THSD4: variants seen among roughly 807,000 people sequenced by gnomAD.
The protein encoded by THSD4 is thrombospondin type 1 domain containing 4, also known as thrombospondin type-1 domain-containing protein 4.
Under a neutral mutation model 119.0 loss-of-function variants are expected in THSD4, and 69 were observed. The ratio of observed to expected loss-of-function variants is 0.58; its 90% CI spans 0.48 to 0.71. THSD4 has a LOEUF of 0.71. Among genes scored for constraint, THSD4 ranks in the 30% least tolerant of loss-of-function variants. THSD4 has a pLI of 0.00. For missense variants in THSD4, 1,393 were observed against 1,391.1 expected, an observed-to-expected ratio of 1.00 and a Z score of -0.02; for synonymous variants, 524 against 540.4, an observed-to-expected ratio of 0.97 and a Z score of 0.42.
intron 3 of THSD4, chr15:71,167,193 C>T (rs573081071): frequency 6.6e-6 from 1 of 152,242 alleles, no homozygotes; most frequent in Non-Finnish European, 1.5e-5. Context: ...TTTATTCCTG[C>T]AAGATGTGAA....
intron 7 of THSD4, among the ~76,000 whole-genome samples, chr15:71,470,768 T>G (rs1018479496): frequency 9.2e-5 from 14 of 151,916 alleles, no homozygotes; most frequent in African/African-American, 3.1e-4. Flanking sequence ...CCCGAGTAGC[T>G]GGGACTACAG....
intron 6 of THSD4, among the ~76,000 whole-genome samples, chr15:71,339,180 C>T (rs2045529213): frequency 6.6e-6 from 1 of 152,132 alleles, no homozygotes; most frequent in South Asian, 2.1e-4. Context: ...AGCATTTTAG[C>T]ATTCTTAGTA....
At chr15:71,722,655 C>T (rs118155642) in intron 8 of THSD4, among the ~76,000 whole-genome samples, 45 of 152,230 alleles carry the variant, frequency 3.0e-4, no homozygotes, top group Non-Finnish European at 4.7e-4. Context: ...ATGTCCGTTA[C>T]ATTGATTCAA....
At chr15:71,758,290 G>A (rs950530042) in intron 15 of THSD4, among the ~76,000 whole-genome samples, 1 of 152,246 alleles carries the variant, frequency 6.6e-6, no homozygotes, top group Non-Finnish European at 1.5e-5. Flanking sequence ...CTAAGTACTT[G>A]GGTTACATCA....
At position 71,765,214 on chromosome 15, in the gene THSD4, T is replaced by G; in HGVS notation, c.2769+15T>G. 6.2e-7 allele frequency: 1 copy of G among 1,611,108 alleles called. No individual in the cohort carries two copies. The stretch of plus-strand genomic sequence containing the variant: ...AATGGAGCATGGTAAGTCATGGTGC[T>G]CTTGATGGAGGTTGCATTGGCACAA... On this transcript the variant is annotated intron_variant, in intron 16 of 17. Transcript: ENST00000261862.
At chr15:71,295,841 A>G (rs2044855183) in intron 6 of THSD4, among the ~76,000 whole-genome samples, 2 of 152,204 alleles carry the variant, frequency 1.3e-5, no homozygotes, top group Admixed American at 6.5e-5. Context: ...CTAGGCAACA[A>G]GTAAGCTATG....
At chr15:71,599,055 T>G (rs750757903) in intron 7 of THSD4, among the ~76,000 whole-genome samples, 2 of 152,168 alleles carry the variant, frequency 1.3e-5, no homozygotes, top group Non-Finnish European at 2.9e-5. Context: ...TGAACTCCAC[T>G]TGCACTACTG....
chr15:71,164,836 T>G, intron 3 of THSD4: 1 of 1,590,852 alleles, frequency 6.3e-7, no homozygotes, highest in Non-Finnish European at 8.5e-7. Flanking sequence ...CCTCATCCTC[T>G]TCATCTTCCT....
intron 3 of THSD4, among the ~76,000 whole-genome samples, chr15:71,207,516 A>G (rs1279533374): frequency 6.6e-6 from 1 of 152,162 alleles, no homozygotes; most frequent in African/African-American, 2.4e-5. Flanking sequence ...TTATGCATAT[A>G]TTGTAATATT....
Position 71,737,746 on chromosome 15 carries a change from G to T in THSD4, c.1645G>T (p.Gly549Cys). The change falls in exon 11 of 18, where the codon GGC becomes TGC. Residue 549 changes from glycine (G) to cysteine (C), a missense_variant. Physicochemically the swap from Gly to Cys is radical, Grantham distance 159. Coordinates refer to ENST00000261862, the MANE Select transcript of THSD4 (RefSeq NM_024817.3). ...PHRRPGEPFNGQMVTEGRSQE... is the reference protein window; with the variant it reads ...PHRRPGEPFNCQMVTEGRSQE... Reference sequence around the variant, plus strand: ...ACCTCTCCTAGGGGAACCCTTCAATGGCCAGATGGTGACAGAAGGCAGGAG... The same window carrying T: ...ACCTCTCCTAGGGGAACCCTTCAATTGCCAGATGGTGACAGAAGGCAGGAG... 6.2e-7 allele frequency: 1 copy of T among 1,611,202 alleles called. No homozygotes were observed. The highest frequency in any genetic ancestry group is 2.2e-5 in the East Asian group (1 of 44,864).
intron 7 of THSD4, among the ~76,000 whole-genome samples, chr15:71,620,436 A>AAAT (rs778457625): frequency 1.3e-5 from 2 of 151,990 alleles, no homozygotes; most frequent in East Asian, 1.9e-4. Flanking sequence ...TTACAAAAAA[A>AAAT]AATAATAATA....
At chr15:71,554,001 ATAGT>A (rs1257687915) in intron 7 of THSD4, among the ~76,000 whole-genome samples, 5 of 150,720 alleles carry the variant, frequency 3.3e-5, no homozygotes, top group African/African-American at 1.2e-4. Context: ...CAGGGTTTTG[ATAGT>A]TTTGTAAAAT....
intron 7 of THSD4, among the ~76,000 whole-genome samples, chr15:71,560,689 A>G (rs1454759864): frequency 7.2e-5 from 11 of 152,138 alleles, no homozygotes; most frequent in Non-Finnish European, 1.5e-4. Context: ...TAATTGTATC[A>G]TTTCTTTTCT....
chr15:71,167,787 C>T (rs1030117771), intron 3 of THSD4, among the ~76,000 whole-genome samples: 3 of 152,194 alleles, frequency 2.0e-5, no homozygotes, highest in Non-Finnish European at 2.9e-5. Context: ...AAAACTGCTA[C>T]TAAAAGACAT....
At chr15:71,501,172 T>C (rs2048107799) in intron 7 of THSD4, among the ~76,000 whole-genome samples, 1 of 152,170 alleles carries the variant, frequency 6.6e-6, no homozygotes, top group Non-Finnish European at 1.5e-5. Flanking sequence ...TTGTTGGTGA[T>C]GAGTGTGAAA....
chr15:71,690,147 A>G (rs577186812), intron 8 of THSD4, among the ~76,000 whole-genome samples: 1 of 152,340 alleles, frequency 6.6e-6, no homozygotes, highest in East Asian at 1.9e-4. Context: ...TCTTTGCAGA[A>G]GGGCCATCCT....
intron 1 of THSD4, among the ~76,000 whole-genome samples, chr15:71,120,290 G>A (rs1391627454): frequency 6.6e-6 from 1 of 152,128 alleles, no homozygotes; most frequent in Non-Finnish European, 1.5e-5. Context: ...ACAAGAGGCA[G>A]CAGTTTTGTG....
intron 7 of THSD4, among the ~76,000 whole-genome samples, chr15:71,608,245 T>C (rs62022829): frequency 0.27 from 20,502 of 76,232 alleles, 2,073 homozygotes; most frequent in Non-Finnish European, 0.3. Flanking sequence ...AAAATATATA[T>C]ATATACACAC....
At chr15:71,300,500 G>C (rs1452525087) in intron 6 of THSD4, among the ~76,000 whole-genome samples, 2 of 152,152 alleles carry the variant, frequency 1.3e-5, no homozygotes, top group Non-Finnish European at 2.9e-5. Context: ...GGATTGGCTT[G>C]GTTGATGTTT....
Sources: allele counts gnomAD v4.1 joint callset (sites outside exome capture counted in the v4.1 genomes callset), GRCh38; gene constraint gnomAD v4.1.1; transcripts MANE v1.5; gene names NCBI Gene and HGNC (gene_info 2026-07-23, HGNC 2026-07-21).